PCDHA1: variants seen among roughly 807,000 people sequenced by gnomAD.
PCDHA1 encodes protocadherin alpha 1.
PCDHA1 carries 42 observed loss-of-function variants against 61.3 expected under a neutral mutation model. The ratio of observed to expected loss-of-function variants is 0.69; its 90% CI spans 0.54 to 0.89. PCDHA1 has a LOEUF of 0.89. PCDHA1 is among the 40% of genes least tolerant of loss of function. The pLI is 0.00. For missense variants in PCDHA1, 1,256 were observed against 1,235.3 expected (o/e 1.02, Z -0.25); for synonymous variants, 610 against 553.8 (o/e 1.10, Z -1.43).
chr5:140,946,574 G>A (rs246054), intron 1 of PCDHA1, among the ~76,000 whole-genome samples: 79,382 of 143,554 alleles, frequency 0.55, 22,609 homozygotes, highest in African/African-American at 0.68. Context: ...AATCAACTTA[G>A]GTGTTCATAG....
chr5:140,801,447 T>C (rs180779710), intron 1 of PCDHA1: 1 of 1,613,954 alleles, frequency 6.2e-7, no homozygotes, highest in Non-Finnish European at 8.5e-7. Context: ...GAATGGCATT[T>C]TGTTTGTGAA....
chr5:140,871,132 G>T, intron 1 of PCDHA1: 7 of 1,613,372 alleles, frequency 4.3e-6, no homozygotes, highest in Non-Finnish European at 5.9e-6. Context: ...GGCGCCAAAG[G>T]CCTCTTCCCG....
intron 1 of PCDHA1, chr5:140,855,801 TGAAA>T: frequency 4.2e-6 from 2 of 474,526 alleles, no homozygotes; most frequent in Non-Finnish European, 7.5e-6. Context: ...AACATATGAA[TGAAA>T]GAAAAGTTGT....
Position 140,814,823 on chromosome 5 carries a change from A to G in PCDHA1, c.2394+26139A>G, listed in dbSNP as rs1363688446. 2.0e-5 allele frequency: 3 copies of G among 152,176 alleles called. No individual in the cohort carries two copies. In the East Asian group the frequency reaches 5.8e-4, roughly 29 times the overall value. 9.4% of individuals were successfully genotyped at this position (152,176 alleles called of 1,614,324 possible). On this transcript the variant is annotated intron_variant, in intron 1 of 3. Coordinates refer to ENST00000504120, the MANE Select transcript of PCDHA1 (RefSeq NM_018900.4). ...ACTTGACTTTATTGTATTGCTATCT[A>G]TTTCTCCATTTCTGTGAATGTTTGC...
At chr5:140,862,288 G>A in intron 1 of PCDHA1, 1 of 264,980 alleles carries the variant, frequency 3.8e-6, no homozygotes, top group East Asian at 9.0e-5. Context: ...CTGTACAGGA[G>A]GACGCTCCAC....
At position 140,924,894 on chromosome 5, in the gene PCDHA1, C is replaced by CAAAAAA. The variant is rs782133089; in HGVS notation, c.2395-54049_2395-54044dup. Among the ~76,000 whole-genome samples, 6 of 71,470 alleles carry CAAAAAA rather than the reference C, an allele frequency of 8.4e-5. No homozygotes were observed. In the East Asian group the frequency reaches 2.6e-3, roughly 31 times the overall value. 46.9% of individuals were successfully genotyped at this position (71,470 alleles called of 152,430 possible). A position where few individuals can be genotyped will look rare whatever the true frequency, so the allele number is the denominator to read the frequency against. On this transcript the variant is annotated intron_variant, in intron 1 of 3. Transcript: ENST00000504120. ...TGGGTGACAGAGCAAGAACCTGTCT[C>CAAAAAA]AAAAAAAAAAATAAAATAAAATAAA... is the stretch of plus-strand genomic sequence containing the variant.
intron 1 of PCDHA1, among the ~76,000 whole-genome samples, chr5:140,956,246 C>T (rs2095270779): frequency 6.6e-6 from 1 of 152,094 alleles, no homozygotes; most frequent in African/African-American, 2.4e-5. Context: ...GGGAATGCTT[C>T]CAGGTTTTGC....
rs1407676200 is a variant in PCDHA1 at position 140,843,151 on chromosome 5, G to A, written c.2394+54467G>A. 6 of 1,596,104 alleles carry A rather than the reference G, an allele frequency of 3.8e-6. 1 individual carries two copies. The highest frequency in any genetic ancestry group is 5.1e-6 in the Non-Finnish European group (6 of 1,165,608). On this transcript the variant is annotated intron_variant, in intron 1 of 3. Coordinates refer to ENST00000504120, the MANE Select transcript of PCDHA1 (RefSeq NM_018900.4). ...GCTACAACGCGTGGCTTTCGTATGA[G>A]CTGCAGCCAGCTGCAAGCAGCCCTC...
intron 1 of PCDHA1, chr5:140,796,311 C>A (rs782287156): frequency 6.2e-7 from 1 of 1,614,104 alleles, no homozygotes; most frequent in Non-Finnish European, 8.5e-7. Context: ...CCGACGTGAA[C>A]GACAACGCGC....
intron 1 of PCDHA1, chr5:140,795,253 G>C (rs139811211): frequency 1.9e-6 from 3 of 1,614,102 alleles, no homozygotes; most frequent in Non-Finnish European, 1.7e-6. Flanking sequence ...GGAGCTGTGC[G>C]GGCGGAGCGC....
intron 1 of PCDHA1, chr5:140,807,298 G>A (rs1269020710): frequency 3.7e-6 from 6 of 1,614,096 alleles, no homozygotes; most frequent in Non-Finnish European, 5.1e-6. Context: ...CGGTCTCCGA[G>A]GAGGCCAAAC....
At chr5:140,971,977 G>A (rs891260348) in intron 1 of PCDHA1, among the ~76,000 whole-genome samples, 1 of 152,022 alleles carries the variant, frequency 6.6e-6, no homozygotes, top group Non-Finnish European at 1.5e-5. Context: ...AATACTATGA[G>A]TAGACAGAAG....
chr5:140,941,198 T>TC (rs1563184066), intron 1 of PCDHA1, among the ~76,000 whole-genome samples: 3 of 119,812 alleles, frequency 2.5e-5, no homozygotes, highest in African/African-American at 1.0e-4. Flanking sequence ...TTTTTTTCTT[T>TC]CTTCCTTTCT....
At position 140,835,575 on chromosome 5, in the gene PCDHA1, G is replaced by A; in HGVS notation, c.2394+46891G>A. The A allele has an allele frequency of 6.2e-7, 1 of 1,613,870 alleles. No individual in the cohort carries two copies. ...GACGCCCCGCGTTCCCTTCAAGTTG[G>A]TGTCCACCTTCAAGAATTACTATTC... On this transcript the variant is annotated intron_variant, in intron 1 of 3. Transcript: ENST00000504120.
chr5:140,865,121 A>G (rs1247954384), intron 1 of PCDHA1: 9 of 152,186 alleles, frequency 5.9e-5, no homozygotes, highest in African/African-American at 2.2e-4. Context: ...TTGTGGTGTT[A>G]ATTATACCTT....
At chr5:140,978,594 G>C (rs184264823) in intron 1 of PCDHA1, among the ~76,000 whole-genome samples, 31 of 152,288 alleles carry the variant, frequency 2.0e-4, no homozygotes, top group African/African-American at 7.5e-4. Flanking sequence ...CCCTTAATGG[G>C]GCACTTGAGG....
At chr5:140,852,737 C>CGG in intron 1 of PCDHA1, 1 of 983,808 alleles carries the variant, frequency 1.0e-6, no homozygotes, top group Non-Finnish European at 1.2e-6. Context: ...GTTTCATGTG[C>CGG]CATTTAAACT....
chr5:140,910,766 T>C (rs2075154722), intron 1 of PCDHA1, among the ~76,000 whole-genome samples: 2 of 152,198 alleles, frequency 1.3e-5, no homozygotes, highest in South Asian at 2.1e-4. Context: ...CTTTTTAAAC[T>C]CCCCAAGCTG....
chr5:141,004,486 C>CT (rs2098167953), intron 3 of PCDHA1, among the ~76,000 whole-genome samples: 2 of 152,200 alleles, frequency 1.3e-5, no homozygotes, highest in South Asian at 4.1e-4. Flanking sequence ...TGGATTAACT[C>CT]TTGGCAGTCC....
Sources: allele counts gnomAD v4.1 joint callset (sites outside exome capture counted in the v4.1 genomes callset), GRCh38; gene constraint gnomAD v4.1.1; transcripts MANE v1.5; gene names NCBI Gene and HGNC (gene_info 2026-07-23, HGNC 2026-07-21).